GNPTAB: variants seen among roughly 807,000 people sequenced by gnomAD.
The protein encoded by GNPTAB is N-acetylglucosamine-1-phosphate transferase subunits alpha and beta.
GNPTAB carries 92 observed loss-of-function variants against 136.6 expected under a neutral mutation model. The ratio of observed to expected loss-of-function variants is 0.67; its 90% CI spans 0.57 to 0.80. GNPTAB has a LOEUF of 0.80. Ranked by LOEUF, GNPTAB falls within the 30% of genes least tolerant of loss-of-function variation. The probability of loss-of-function intolerance (pLI) is 0.00; values close to 1 mark genes in which losing one functional copy is unlikely to be tolerated. For synonymous variants in GNPTAB, 512 were observed against 535.1 expected (o/e 0.96, Z 0.60); for missense variants, 1,343 against 1,501.8 (o/e 0.89, Z 1.75).
In GNPTAB at chr12:101,761,608, C is replaced by G; in HGVS notation, c.2871G>C (p.Met957Ile). Residue 957 changes from methionine to isoleucine, a missense_variant, in exon 14 of 21, where the codon ATG becomes ATC. Transcript: ENST00000299314. ...GFTSRKVPAH[M>I]PHMIDRIVMQ... is the part of the protein sequence containing the mutation. ...TAACAATCCGGTCAATCATGTGAGG[C>G]ATGTGAGCAGGGACTTTCCGCGATG... The G allele has an allele frequency of 6.2e-7, 1 of 1,614,162 alleles. No individual in the cohort carries two copies. Among genetic ancestry groups the G allele is most frequent in the Non-Finnish European group, 8.5e-7 (1 of 1,180,020 alleles).
Position 101,763,236 on chromosome 12 carries a change from AAG to A in GNPTAB, c.2715+964_2715+965del, listed in dbSNP as rs1491231371. 1.9e-3 allele frequency among the ~76,000 whole-genome samples: 143 copies of A among 73,760 alleles called. 2 individuals carry two copies. In the South Asian group the frequency reaches 0.027, roughly 14 times the overall value. 48.4% of individuals were successfully genotyped at this position (73,760 alleles called of 152,430 possible). On this transcript the variant is annotated intron_variant, in intron 13 of 20. Coordinates refer to ENST00000299314, the MANE Select transcript of GNPTAB (RefSeq NM_024312.5). ...AACTCCATCTCAAAAAAAAAAAAAA[AAG>A]AAAGGAAAGGAAAGAAAATGGGGGA...
At chr12:101,801,851 G>A (rs1438074182) in intron 1 of GNPTAB, among the ~76,000 whole-genome samples, 1 of 151,932 alleles carries the variant, frequency 6.6e-6, no homozygotes, top group Non-Finnish European at 1.5e-5. Flanking sequence ...GAGACCAGCT[G>A]GGGCAACATA....
chr12:101,775,362 T>C lies in GNPTAB; in HGVS notation c.772-4205A>G, dbSNP rs572637597. Among the ~76,000 whole-genome samples the C allele has an allele frequency of 1.2e-3, 112 of 94,038 alleles. 2 individuals are homozygous for C. Among genetic ancestry groups the C allele is most frequent in the Non-Finnish European group, 1.9e-3 (98 of 50,510 alleles). 61.7% of individuals were successfully genotyped at this position (94,038 alleles called of 152,430 possible). On this transcript the variant is annotated intron_variant, in intron 7 of 20. Coordinates refer to ENST00000299314, the MANE Select transcript of GNPTAB (RefSeq NM_024312.5). ...CAATTCAAAGCTATTAGATCTTTTTTTTCTTTTTTTTTTTTTGAGACGGAG... is the reference window on the plus strand; with the variant it reads ...CAATTCAAAGCTATTAGATCTTTTTCTTCTTTTTTTTTTTTTGAGACGGAG...
intron 18 of GNPTAB, 128 bp from the exon 19 acceptor site, chr12:101,753,667 T>A: frequency 1.3e-6 from 1 of 775,562 alleles, no homozygotes; most frequent in South Asian, 1.5e-5. Context: ...GCTGATATGA[T>A]TCTCTGGGGG....
chr12:101,793,452 T>C (rs1869105992), intron 2 of GNPTAB, among the ~76,000 whole-genome samples: 1 of 152,190 alleles, frequency 6.6e-6, no homozygotes, highest in East Asian at 1.9e-4. Context: ...TTTAGCTGAT[T>C]AAAACATAAT....
intron 2 of GNPTAB, among the ~76,000 whole-genome samples, chr12:101,793,774 C>T (rs1267896188): frequency 6.6e-6 from 1 of 152,176 alleles, no homozygotes; most frequent in African/African-American, 2.4e-5. Flanking sequence ...TCCCTTGGTT[C>T]TACATTCTAT....
intron 15 of GNPTAB, among the ~76,000 whole-genome samples, chr12:101,760,748 A>G (rs1952979176): frequency 6.6e-6 from 1 of 152,148 alleles, no homozygotes; most frequent in South Asian, 2.1e-4. Context: ...CGTAGGGGAA[A>G]AAGAGACATG....
Position 101,746,660 on chromosome 12 carries a change from A to T in GNPTAB, c.*504T>A, listed in dbSNP as rs1188672292. ...GCTGCATTATTTAAATAACATCTAT[A>T]AAAATAGGTTTAGACATCCCAATTC... On this transcript the variant is annotated 3_prime_UTR_variant, in exon 21 of 21. Transcript: ENST00000299314. 2 of 156,284 alleles carry T rather than the reference A, an allele frequency of 1.3e-5. No individual in the cohort carries two copies. Among genetic ancestry groups the T allele is most frequent in the African/African-American group, 4.8e-5 (2 of 41,474 alleles). 9.7% of individuals were successfully genotyped at this position (156,284 alleles called of 1,614,324 possible). A position where few individuals can be genotyped will look rare whatever the true frequency, so the allele number is the denominator to read the frequency against.
At chr12:101,794,728 C>T (rs1869184041) in intron 2 of GNPTAB, among the ~76,000 whole-genome samples, 1 of 152,068 alleles carries the variant, frequency 6.6e-6, no homozygotes, top group Admixed American at 6.6e-5. Flanking sequence ...ATTAAAACTG[C>T]TGACCTCAAA....
chr12:101,763,292 A>G (rs1340553908), intron 13 of GNPTAB, among the ~76,000 whole-genome samples: 1 of 152,000 alleles, frequency 6.6e-6, no homozygotes, highest in African/African-American at 2.4e-5. Flanking sequence ...AGTCAAGAAC[A>G]CTGCAGTCCT....
chr12:101,764,769 C>T lies in GNPTAB; in HGVS notation c.2148G>A (p.Leu716=), dbSNP rs374600127. The change falls in exon 13 of 21, where the codon TTG becomes TTA. Residue 716 remains leucine (L), a synonymous_variant. Transcript: ENST00000299314. ...AAGTGATGTCTCCATGTTCCAGTTG[C>T]AAATCCAAGGTATTGAGACTCAACT... ...DAQLSLNTLD[L]QLEHGDITLK... is the part of the protein sequence containing the mutation. The T allele has an allele frequency of 9.9e-6, 16 of 1,614,066 alleles. No individual in the cohort carries two copies. The highest frequency in any genetic ancestry group is 2.7e-5 in the African/African-American group (2 of 74,926).
intron 1 of GNPTAB, among the ~76,000 whole-genome samples, chr12:101,822,565 A>G (rs1870867260): frequency 6.6e-6 from 1 of 152,192 alleles, no homozygotes; most frequent in Non-Finnish European, 1.5e-5. Flanking sequence ...CAGGTTACAG[A>G]GCAGAAAGAG....
At chr12:101,789,837 T>C (rs748760886) in intron 3 of GNPTAB, 101 bp downstream of exon 3, 10 of 1,169,024 alleles carry the variant, frequency 8.6e-6, no homozygotes, top group African/African-American at 3.0e-5. Flanking sequence ...TTCATTAGCA[T>C]GATGACTGGG....
In GNPTAB at chr12:101,786,206, A is replaced by T. The variant is rs774506925; in HGVS notation, c.377T>A (p.Leu126Ter). The T allele has an allele frequency of 1.5e-5, 24 of 1,612,684 alleles. No individual in the cohort carries two copies. Among genetic ancestry groups the T allele is most frequent in the Non-Finnish European group, 1.9e-5 (22 of 1,179,052 alleles). The change falls in exon 5 of 21, where the codon TTA (leucine) becomes TAA (stop). Residue 126 changes from leucine to a stop codon, truncating the protein, a stop_gained. Coordinates refer to ENST00000299314, the MANE Select transcript of GNPTAB (RefSeq NM_024312.5). LOFTEE classifies it high-confidence loss of function. ...AATGCAGTGTGTTAGCAAACACTCT[A>T]ACTGCTTCTCACTGGAAAGAAACAC... Reference protein sequence around the residue: ...TEPTKKSEKQLECLLTHCIKV... With the variant: ...TEPTKKSEKQ
intron 1 of GNPTAB, among the ~76,000 whole-genome samples, chr12:101,811,383 C>CTTTTTTTTTT (rs11356611): frequency 7.0e-6 from 1 of 142,574 alleles, no homozygotes; most frequent in Non-Finnish European, 1.5e-5. Context: ...ATAATTTTTT[C>CTTTTTTTTTT]TTTTTTTTTT....
chr12:101,773,463 T>C (rs911489969), intron 7 of GNPTAB: 2 of 183,376 alleles, frequency 1.1e-5, no homozygotes, highest in African/African-American at 4.8e-5. Flanking sequence ...TGCAGGCCAG[T>C]TTCAGGCCCA....
intron 2 of GNPTAB, chr12:101,796,139 G>C: frequency 1.5e-6 from 1 of 686,644 alleles, no homozygotes; most frequent in Non-Finnish European, 2.6e-6. Flanking sequence ...TGGTTTACTG[G>C]GGAGTGGTCC....
intron 18 of GNPTAB, among the ~76,000 whole-genome samples, chr12:101,755,738 T>C (rs970379676): frequency 3.9e-4 from 60 of 152,096 alleles, no homozygotes; most frequent in African/African-American, 1.4e-3. Context: ...TTCGTCGAAA[T>C]AAAACAAAAC....
At chr12:101,747,863 A>C (rs1304050373) in intron 20 of GNPTAB, among the ~76,000 whole-genome samples, 1 of 151,982 alleles carries the variant, frequency 6.6e-6, no homozygotes, top group African/African-American at 2.4e-5. Context: ...CTGCCTCTCT[A>C]GTTCCCTATT....
Sources: gnomAD v4.1 joint callset for allele counts (sites outside exome capture counted in the v4.1 genomes callset) on GRCh38, gnomAD v4.1.1 for gene constraint, MANE v1.5 for transcripts, NCBI Gene and HGNC (gene_info 2026-07-23, HGNC 2026-07-21) for gene names.